Variants in PPP2R5D observed in about 807,000 individuals in gnomAD.
PPP2R5D encodes the protein serine/threonine-protein phosphatase 2A 56 kDa regulatory subunit delta isoform.
PPP2R5D carries 12 observed loss-of-function variants against 79.1 expected under a neutral mutation model. The observed-to-expected ratio is 0.15, with a 90% CI of 0.10 to 0.25. The LOEUF (loss-of-function observed/expected upper bound fraction) is 0.25. Ranked by LOEUF, PPP2R5D falls within the 10% of genes least tolerant of loss-of-function variation. The pLI, the probability that PPP2R5D is intolerant of heterozygous loss-of-function variation, is 1.00. For missense variants in PPP2R5D, 419 were observed against 760.2 expected, an observed-to-expected ratio of 0.55 and a Z score of 5.28; for synonymous variants, 277 against 286.6, an observed-to-expected ratio of 0.97 and a Z score of 0.34.
Position 43,011,735 on chromosome 6 carries a change from T to C in PPP2R5D, c.*449T>C, listed in dbSNP as rs563860797. The C allele has an allele frequency of 7.0e-5, 12 of 171,942 alleles. No individual in the cohort carries two copies. In the South Asian group the frequency reaches 8.4e-4, roughly 12 times the overall value. The allele number at this position is 171,942 out of a possible 1,614,324, so 10.7% of individuals were successfully genotyped here. ...CTCACCAAAGTTATGTCAAGCCCCA[T>C]TGGTCCCAGAGTAGCTGAAGGGAAG... On this transcript the variant is annotated 3_prime_UTR_variant, in exon 16 of 16. Coordinates refer to ENST00000485511, the MANE Select transcript of PPP2R5D (RefSeq NM_006245.4).
intron 2 of PPP2R5D, among the ~76,000 whole-genome samples, chr6:42,996,477 A>T (rs950404805): frequency 7.2e-5 from 11 of 152,048 alleles, no homozygotes; most frequent in African/African-American, 2.6e-4. Context: ...AATAAAAAAA[A>T]ATAAAAAAAA....
intron 1 of PPP2R5D, among the ~76,000 whole-genome samples, chr6:42,986,501 G>T (rs1770860968): frequency 1.3e-5 from 2 of 152,086 alleles, no homozygotes; most frequent in Admixed American, 6.6e-5. Flanking sequence ...AGGGCCTGAG[G>T]TTCTAAGTAC....
intron 2 of PPP2R5D, among the ~76,000 whole-genome samples, chr6:42,999,723 G>A (rs531088069): frequency 2.6e-5 from 4 of 151,496 alleles, no homozygotes; most frequent in Non-Finnish European, 2.9e-5. Context: ...CCACCATCAC[G>A]CCTGGCTAAT....
intron 2 of PPP2R5D, among the ~76,000 whole-genome samples, chr6:42,997,359 A>C (rs561756662): frequency 6.6e-6 from 1 of 151,262 alleles, no homozygotes; most frequent in Non-Finnish European, 1.5e-5. Flanking sequence ...CATCTGGCTA[A>C]TTTTGTATTT....
rs1770690815 is a variant in PPP2R5D, at chr6:42,984,707, G to A, written c.27+3G>A. 1.9e-6 allele frequency: 3 copies of A among 1,612,256 alleles called. No homozygotes were observed. The highest frequency in any genetic ancestry group is 2.2e-5 in the East Asian group (1 of 44,810). On this transcript the variant is annotated splice_donor_region_variant and intron_variant, in intron 1 of 15. Coordinates refer to ENST00000485511, the MANE Select transcript of PPP2R5D (RefSeq NM_006245.4). ...CCTATAAACTGAAAAAGGAGAAGGT[G>A]AGCGTGGCCCTTTTTCCCCCACCGC...
At chr6:42,997,797 C>T (rs1301477064) in intron 2 of PPP2R5D, among the ~76,000 whole-genome samples, 2 of 151,414 alleles carry the variant, frequency 1.3e-5, no homozygotes, top group African/African-American at 4.8e-5. Context: ...CCGCCCACCT[C>T]AGCCTCCCAA....
At position 43,006,610 on chromosome 6, in the gene PPP2R5D, C is replaced by T. The variant is rs1762094766; in HGVS notation, c.253C>T (p.Arg85Ter). 6.2e-7 allele frequency: 1 copy of T among 1,614,080 alleles called. No homozygotes were observed. The highest frequency in any genetic ancestry group is 8.5e-7 in the Non-Finnish European group (1 of 1,180,026). The change falls in exon 3 of 16, where the codon CGA (arginine) becomes TGA (stop). Residue 85 changes from arginine to a stop codon, truncating the protein, a stop_gained. Transcript: ENST00000485511. LOFTEE classifies it high-confidence loss of function. The surrounding 1 kb of genome is among the most constrained non-coding windows in gnomAD (Gnocchi z 4.7). ...SGGPQIVKKE[R>*]RQSSSRFNLS... ...GGGGCCCCAGATTGTCAAGAAGGAG[C>T]GACGGCAAAGCTCCTCCCGCTTCAA...
In PPP2R5D at chr6:43,012,140, G is replaced by T; in HGVS notation, c.*854G>T. 1 of 951,986 alleles carries T rather than the reference G, an allele frequency of 1.1e-6. No individual in the cohort carries two copies. Among genetic ancestry groups the T allele is most frequent in the Non-Finnish European group, 1.3e-6 (1 of 783,106 alleles). The allele number at this position is 951,986 out of a possible 1,614,324, so 59.0% of individuals were successfully genotyped here. ...TCCTTGTTTGTGCTATGCTGGGCAG[G>T]CCTTCTCTTGTCCCTTATAGGTACC... On this transcript the variant is annotated 3_prime_UTR_variant, in exon 16 of 16. Transcript: ENST00000485511.
chr6:43,008,740 T>C lies in PPP2R5D; in HGVS notation c.1074T>C (p.Thr358=). 1 of 1,614,094 alleles carries C rather than the reference T, an allele frequency of 6.2e-7. No individual in the cohort carries two copies. Among genetic ancestry groups the C allele is most frequent in the Non-Finnish European group, 8.5e-7 (1 of 1,179,930 alleles). Residue 358 remains threonine (T), a synonymous_variant, in exon 10 of 16, where the codon ACT becomes ACC. Coordinates refer to ENST00000485511, the MANE Select transcript of PPP2R5D (RefSeq NM_006245.4). The surrounding 1 kb of genome is among the most constrained non-coding windows in gnomAD (Gnocchi z 4.2). The part of the protein sequence containing the change: ...VQFLEKESSL[T]EPVIVGLLKF... Reference sequence around the variant, plus strand: ...TCCTGGAGAAGGAGAGCAGTCTGACTGAGCCGGTAATTCCCCTTCCGGGCC... The same window carrying C: ...TCCTGGAGAAGGAGAGCAGTCTGACCGAGCCGGTAATTCCCCTTCCGGGCC...
In PPP2R5D at chr6:42,995,126, C is replaced by CTTTTTTTTTTTTT. The variant is rs889250251; in HGVS notation, c.105+5447_105+5459dup. Among the ~76,000 whole-genome samples, 1,036 of 106,212 alleles carry CTTTTTTTTTTTTT rather than the reference C, an allele frequency of 9.8e-3. 40 individuals are homozygous for CTTTTTTTTTTTTT. Among genetic ancestry groups the CTTTTTTTTTTTTT allele is most frequent in the South Asian group, 0.018 (52 of 2,954 alleles). The allele number at this position is 106,212 out of a possible 152,430, so 69.7% of individuals were successfully genotyped here. Reference sequence around the variant, plus strand: ...TTGTGTCCCACCGAACTTTTTCTTTCTTTTTTTTTTTTTTTTTTTTTGGAG... The same window carrying CTTTTTTTTTTTTT: ...TTGTGTCCCACCGAACTTTTTCTTTCTTTTTTTTTTTTTTTTTTTTTTTTTTTTTTTTTTGGAG... On this transcript the variant is annotated intron_variant, in intron 2 of 15. Transcript: ENST00000485511.
chr6:42,989,792 C>A, intron 2 of PPP2R5D, 104 bp downstream of exon 2: 1 of 1,138,838 alleles, frequency 8.8e-7, no homozygotes, highest in Non-Finnish European at 1.3e-6. Flanking sequence ...GAAGGGAAGG[C>A]TTCCATATCC....
intron 2 of PPP2R5D, among the ~76,000 whole-genome samples, chr6:42,992,537 G>A (rs1054715930): frequency 2.6e-5 from 4 of 152,176 alleles, no homozygotes; most frequent in African/African-American, 9.7e-5. Flanking sequence ...AAATAAGCCC[G>A]GCATGCTGGC....
Position 43,011,265 on chromosome 6 carries a change from T to C in PPP2R5D, c.1788T>C (p.Thr596=), listed in dbSNP as rs1762341214. ...ACAAGCGGGCGGAAGAGTTCCTAACTGCCAGCCAGGAGGCTCTCTGACCCC... is the reference window on the plus strand; with the variant it reads ...ACAAGCGGGCGGAAGAGTTCCTAACCGCCAGCCAGGAGGCTCTCTGACCCC... The part of the protein sequence containing the change: ...EAHKRAEEFL[T]ASQEAL Residue 596 remains threonine, a synonymous_variant, in exon 16 of 16, where the codon ACT becomes ACC. Transcript: ENST00000485511. The C allele has an allele frequency of 1.2e-6, 2 of 1,614,022 alleles. No homozygotes were observed. Among genetic ancestry groups the C allele is most frequent in the African/African-American group, 1.3e-5 (1 of 75,010 alleles).
Position 43,011,726 on chromosome 6 carries a change from C to G in PPP2R5D, c.*440C>G, listed in dbSNP as rs1762360520. ...GAGATTATTCTCACCAAAGTTATGT[C>G]AAGCCCCATTGGTCCCAGAGTAGCT... On this transcript the variant is annotated 3_prime_UTR_variant, in exon 16 of 16. Coordinates refer to ENST00000485511, the MANE Select transcript of PPP2R5D (RefSeq NM_006245.4). 5.7e-6 allele frequency: 1 copy of G among 174,284 alleles called. No individual in the cohort carries two copies. Among genetic ancestry groups the G allele is most frequent in the Non-Finnish European group, 1.2e-5 (1 of 81,134 alleles). 10.8% of individuals were successfully genotyped at this position (174,284 alleles called of 1,614,324 possible). A position where few individuals can be genotyped will look rare whatever the true frequency, so the allele number is the denominator to read the frequency against.
At chr6:42,992,123 G>A (rs578001035) in intron 2 of PPP2R5D, among the ~76,000 whole-genome samples, 5 of 152,074 alleles carry the variant, frequency 3.3e-5, no homozygotes, top group Non-Finnish European at 7.4e-5. Context: ...GCAGTGGCGC[G>A]ATCTTGGCTC....
In PPP2R5D at chr6:43,006,996, C is replaced by T; in HGVS notation, c.408C>T (p.Leu136=). The T allele has an allele frequency of 6.2e-7, 1 of 1,614,164 alleles. No individual in the cohort carries two copies. The highest frequency in any genetic ancestry group is 1.3e-5 in the African/African-American group (1 of 75,022). ...TCTTTGACTTCGTGTCAGACCCACT[C>T]AGTGACCTCAAATTCAAGGAGGTGA... ...CVLFDFVSDP[L]SDLKFKEVKR... Residue 136 remains leucine, a synonymous_variant, in exon 4 of 16, where the codon CTC becomes CTT. Transcript: ENST00000485511. The surrounding 1 kb of genome is among the most constrained non-coding windows in gnomAD (Gnocchi z 4.7).
In PPP2R5D at chr6:43,011,422, G is replaced by T. The variant is rs777761879; in HGVS notation, c.*136G>T. 1.6e-6 allele frequency: 2 copies of T among 1,215,072 alleles called. No homozygotes were observed. The highest frequency in any genetic ancestry group is 2.3e-6 in the Non-Finnish European group (2 of 883,268). The allele number at this position is 1,215,072 out of a possible 1,614,324, so 75.3% of individuals were successfully genotyped here. On this transcript the variant is annotated 3_prime_UTR_variant, in exon 16 of 16. Transcript: ENST00000485511. ...AGCTACTCAAGGGAGGGGGATGTGG[G>T]CACTTGAAGCAGGGACACCCACAGA...
Position 43,011,672 on chromosome 6 carries a change from C to T in PPP2R5D, c.*386C>T. On this transcript the variant is annotated 3_prime_UTR_variant, in exon 16 of 16. Transcript: ENST00000485511. ...GCCAGGTATCTCCCCTCCTCTCTCT[C>T]CCCTGCAGAGGCATGTAGGGAACAG... 1 of 236,254 alleles carries T rather than the reference C, an allele frequency of 4.2e-6. No individual in the cohort carries two copies. The highest frequency in any genetic ancestry group is 8.4e-6 in the Non-Finnish European group (1 of 119,244). The allele number at this position is 236,254 out of a possible 1,614,324, so 14.6% of individuals were successfully genotyped here. A position where few individuals can be genotyped will look rare whatever the true frequency, so the allele number is the denominator to read the frequency against.
chr6:43,009,018 G>A lies in PPP2R5D; in HGVS notation c.1081-39G>A, dbSNP rs1458724192. On this transcript the variant is annotated intron_variant, in intron 10 of 15. Transcript: ENST00000485511. This position sits in a 1 kb window ranked among gnomAD's most constrained non-coding sequence, Gnocchi z 5.6. Reference sequence around the variant, plus strand: ...AAACTTCCTGGTGACCTAGGCAGGTGCAAAGAATTTTCATCCCCATGCCCT... The same window carrying A: ...AAACTTCCTGGTGACCTAGGCAGGTACAAAGAATTTTCATCCCCATGCCCT... The A allele has an allele frequency of 2.5e-6, 4 of 1,601,494 alleles. No homozygotes were observed. The Admixed American group carries it at 6.8e-5, about 27-fold the overall frequency.
Sources: gnomAD v4.1 joint callset for allele counts (sites outside exome capture counted in the v4.1 genomes callset) on GRCh38, gnomAD v4.1.1 for gene constraint, Gnocchi (gnomAD v3.1) non-coding constraint, MANE v1.5 for transcripts, NCBI Gene and HGNC (gene_info 2026-07-23, HGNC 2026-07-21) for gene names.